Variants in SEMA6D observed in about 807,000 individuals in gnomAD.
SEMA6D encodes the protein semaphorin 6D.
Under a neutral mutation model 106.6 loss-of-function variants are expected in SEMA6D, and 35 were observed. The ratio of observed to expected loss-of-function variants is 0.33; its 90% confidence interval spans 0.25 to 0.44. The LOEUF (loss-of-function observed/expected upper bound fraction) is 0.44. Ranked by LOEUF, SEMA6D falls within the 20% of genes least tolerant of loss-of-function variation. SEMA6D has a pLI of 1.00. For synonymous variants in SEMA6D, 499 were observed against 487.7 expected (o/e 1.02, Z -0.31); for missense variants, 1,185 against 1,345.9 (o/e 0.88, Z 1.87).
chr15:47,447,131 C>T (rs1567085673), intron 2 of SEMA6D, among the ~76,000 whole-genome samples: 1 of 152,106 alleles, frequency 6.6e-6, no homozygotes, highest in Admixed American at 6.6e-5. Context: ...TATCTTCCTG[C>T]TTTGACATCC....
intron 1 of SEMA6D, among the ~76,000 whole-genome samples, chr15:47,296,380 A>G (rs2035802789): frequency 1.3e-5 from 2 of 152,310 alleles, no homozygotes; most frequent in Admixed American, 1.3e-4. Context: ...TATTTGCTTT[A>G]TGACATTATG....
At chr15:47,436,758 TAA>T (rs67662241) in intron 2 of SEMA6D, among the ~76,000 whole-genome samples, 15,997 of 127,274 alleles carry the variant, frequency 0.13, 1,238 homozygotes, top group East Asian at 0.3. Context: ...CTATCTCTAT[TAA>T]AAAAAAAAAT....
chr15:47,711,304 C>T lies in SEMA6D; in HGVS notation c.-54-48441C>T, dbSNP rs1240629499. 1.0e-4 allele frequency among the ~76,000 whole-genome samples: 7 copies of T among 69,150 alleles called. No individual in the cohort carries two copies. In the Admixed American group the frequency reaches 1.0e-3, roughly 10 times the overall value. 45.4% of individuals were successfully genotyped at this position (69,150 alleles called of 152,430 possible). A position where few individuals can be genotyped will look rare whatever the true frequency, so the allele number is the denominator to read the frequency against. On this transcript the variant is annotated intron_variant, in intron 4 of 19. Coordinates refer to the SEMA6D transcript ENST00000558014. ...CAGCCTGGGCGACAGAGCGAGACTC[C>T]GTCTCAAAAAAAAAAAAAAAAAAAA...
intron 1 of SEMA6D, among the ~76,000 whole-genome samples, chr15:47,722,518 C>T (rs1172177164): frequency 6.6e-6 from 1 of 151,986 alleles, no homozygotes; most frequent in Non-Finnish European, 1.5e-5. Flanking sequence ...GTAGCCATTG[C>T]TTGTTAAAGC....
intron 3 of SEMA6D, among the ~76,000 whole-genome samples, chr15:47,529,413 T>G (rs568666766): frequency 6.6e-6 from 1 of 152,236 alleles, no homozygotes; most frequent in East Asian, 1.9e-4. Flanking sequence ...ACCCGTGTTG[T>G]TGAAGGGTCA....
At position 47,364,090 on chromosome 15, in the gene SEMA6D, G is replaced by A. The variant is rs536140943; in HGVS notation, c.-238-48303G>A. ...TTGGGTGGGGACACACAGCCAAACC[G>A]TATCAGAAGCTGACTAAATTAAGAC... is the stretch of plus-strand genomic sequence containing the variant. On this transcript the variant is annotated intron_variant, in intron 1 of 19. Coordinates refer to the SEMA6D transcript ENST00000558014. Among the ~76,000 whole-genome samples, 24 of 152,238 alleles carry A rather than the reference G, an allele frequency of 1.6e-4. No individual in the cohort carries two copies. The East Asian group carries it at 2.3e-3, about 15-fold the overall frequency.
intron 4 of SEMA6D, among the ~76,000 whole-genome samples, chr15:47,698,868 C>T (rs1023968125): frequency 3.9e-5 from 6 of 152,106 alleles, no homozygotes; most frequent in African/African-American, 1.4e-4. Context: ...TAGAGACAAA[C>T]TAGATCCCTA....
intron 1 of SEMA6D, among the ~76,000 whole-genome samples, chr15:47,245,845 C>A (rs1414307078): frequency 6.6e-6 from 1 of 151,604 alleles, no homozygotes; most frequent in East Asian, 1.9e-4. Flanking sequence ...AAATATCCAT[C>A]AAGAAAAAAA....
At chr15:47,315,151 C>T (rs2036614530) in intron 1 of SEMA6D, among the ~76,000 whole-genome samples, 1 of 152,112 alleles carries the variant, frequency 6.6e-6, no homozygotes, top group Non-Finnish European at 1.5e-5. Context: ...CAAGCGTGAG[C>T]CACCGCGCCC....
rs534776493 is a variant in SEMA6D at position 47,364,841 on chromosome 15, G to A, written c.-238-47552G>A. 1.8e-4 allele frequency among the ~76,000 whole-genome samples: 28 copies of A among 151,696 alleles called. No homozygotes were observed. In the South Asian group the frequency reaches 5.4e-3, roughly 29 times the overall value. ...AGAACACTCTTGCTGTGGTCTGTGT[G>A]CTCTGAGCTGTATCTCAATAGGATC... On this transcript the variant is annotated intron_variant, in intron 1 of 19. Coordinates refer to the SEMA6D transcript ENST00000558014.
intron 1 of SEMA6D, among the ~76,000 whole-genome samples, chr15:47,380,783 TAAGTA>T (rs1394981330): frequency 6.6e-6 from 1 of 152,208 alleles, no homozygotes; most frequent in African/African-American, 2.4e-5. Flanking sequence ...ATAAGTCAGT[TAAGTA>T]AAGATCAGTT....
intron 1 of SEMA6D, among the ~76,000 whole-genome samples, chr15:47,242,286 T>A (rs992535923): frequency 1.3e-5 from 2 of 152,110 alleles, no homozygotes; most frequent in Admixed American, 1.3e-4. Flanking sequence ...AATATTTTTT[T>A]AAAAACATGC....
intron 2 of SEMA6D, among the ~76,000 whole-genome samples, chr15:47,420,423 T>C (rs1306500278): frequency 6.6e-6 from 1 of 152,086 alleles, no homozygotes; most frequent in Non-Finnish European, 1.5e-5. Context: ...TCCTTGATGC[T>C]GTGAATGAAT....
intron 2 of SEMA6D, among the ~76,000 whole-genome samples, chr15:47,456,813 T>C (rs891172110): frequency 5.3e-5 from 8 of 151,938 alleles, no homozygotes; most frequent in African/African-American, 1.9e-4. Context: ...AGTTAGCAGA[T>C]GGATTTGAGA....
At chr15:47,394,469 T>C (rs1301932031) in intron 1 of SEMA6D, among the ~76,000 whole-genome samples, 1 of 152,042 alleles carries the variant, frequency 6.6e-6, no homozygotes, top group Admixed American at 6.6e-5. Context: ...AGTGGCGAAT[T>C]AGTTGGGGAG....
At chr15:47,694,314 A>G (rs917270439) in intron 4 of SEMA6D, among the ~76,000 whole-genome samples, 1 of 152,260 alleles carries the variant, frequency 6.6e-6, no homozygotes. Context: ...TCCCACACAC[A>G]TACACAAAGT....
At chr15:47,253,245 A>T (rs2033618370) in intron 1 of SEMA6D, among the ~76,000 whole-genome samples, 2 of 152,090 alleles carry the variant, frequency 1.3e-5, no homozygotes, top group Admixed American at 1.3e-4. Flanking sequence ...GTCGTTATAC[A>T]TGCTGCATGT....
intron 4 of SEMA6D, among the ~76,000 whole-genome samples, chr15:47,626,465 T>A (rs1255584228): frequency 2.0e-5 from 3 of 152,188 alleles, no homozygotes; most frequent in East Asian, 1.9e-4. Context: ...ACTTTCTGAA[T>A]TCCTGTTGTC....
chr15:47,772,102 A>G lies in SEMA6D; in HGVS notation c.*317A>G, dbSNP rs1483454781. ...TAACAGTACTCAGAAGAATCTGTGA[A>G]CAAATACTTGAAAATGGGTTCAATG... On this transcript the variant is annotated 3_prime_UTR_variant, in exon 19 of 19. Coordinates refer to ENST00000536845, the MANE Select transcript of SEMA6D (RefSeq NM_001358351.3). 2 of 282,010 alleles carry G rather than the reference A, an allele frequency of 7.1e-6. No homozygotes were observed. Among genetic ancestry groups the G allele is most frequent in the East Asian group, 1.2e-4 (2 of 16,016 alleles). 17.5% of individuals were successfully genotyped at this position (282,010 alleles called of 1,614,324 possible). A position where few individuals can be genotyped will look rare whatever the true frequency, so the allele number is the denominator to read the frequency against.
Sources: allele counts gnomAD v4.1 joint callset (sites outside exome capture counted in the v4.1 genomes callset), GRCh38; gene constraint gnomAD v4.1.1; transcripts MANE v1.5; gene names NCBI Gene and HGNC (gene_info 2026-07-23, HGNC 2026-07-21).